KHDC1: variants seen among roughly 807,000 people sequenced by gnomAD.
KHDC1 encodes the protein KH homology domain-containing protein 1.
A neutral mutation model predicts 24.7 loss-of-function variants in KHDC1; 21 were observed. That is an observed-to-expected ratio of 0.85 (90% confidence interval 0.60 to 1.23). The LOEUF (loss-of-function observed/expected upper bound fraction) is 1.23, where lower values mean the gene tolerates loss of function less well. Ranked by LOEUF, KHDC1 falls within the 50% of genes most tolerant of loss-of-function variation. The probability of loss-of-function intolerance (pLI) is 0.00; values close to 1 mark genes in which losing one functional copy is unlikely to be tolerated. For synonymous variants in KHDC1, 98 were observed against 111.7 expected (o/e 0.88, Z 0.77); for missense variants, 274 against 298.5 (o/e 0.92, Z 0.61).
chr6:73,286,178 A>G (rs1257407548), intron 2 of KHDC1, among the ~76,000 whole-genome samples: 1 of 152,188 alleles, frequency 6.6e-6, no homozygotes, highest in Non-Finnish European at 1.5e-5. Flanking sequence ...TCAGGGAATA[A>G]GAGCTACTTT....
intron 1 of KHDC1, among the ~76,000 whole-genome samples, chr6:73,296,097 G>T (rs954289911): frequency 1.5e-5 from 2 of 135,080 alleles, no homozygotes; most frequent in Non-Finnish European, 3.2e-5. Flanking sequence ...AGCCGAGATC[G>T]TGCCACTGCA....
At chr6:73,280,516 T>A (rs36110922) in intron 2 of KHDC1, among the ~76,000 whole-genome samples, 1 of 86,408 alleles carries the variant, frequency 1.2e-5, no homozygotes, top group Non-Finnish European at 2.2e-5. Flanking sequence ...TTTAATTTCT[T>A]TTTTTTTTTT....
chr6:73,290,939 C>G, intron 2 of KHDC1: 1 of 355,302 alleles, frequency 2.8e-6, no homozygotes, highest in Non-Finnish European at 5.5e-6. Context: ...GTAGTGGATG[C>G]TGGCCCAGGA....
At chr6:73,276,813 C>A (rs886355264) in intron 2 of KHDC1, among the ~76,000 whole-genome samples, 2 of 152,190 alleles carry the variant, frequency 1.3e-5, no homozygotes, top group Admixed American at 1.3e-4. Flanking sequence ...ACTCTATATT[C>A]ACTTTTAGAC....
At chr6:73,289,823 G>A (rs1275894147) in intron 2 of KHDC1, among the ~76,000 whole-genome samples, 2 of 152,000 alleles carry the variant, frequency 1.3e-5, no homozygotes. Flanking sequence ...CCAGGCGGCC[G>A]GGCGCGGTGG....
intron 2 of KHDC1, among the ~76,000 whole-genome samples, chr6:73,262,457 C>T (rs1766996698): frequency 6.6e-6 from 1 of 152,204 alleles, no homozygotes; most frequent in South Asian, 2.1e-4. Context: ...GGCAACACCT[C>T]ATGCGATTAC....
intron 2 of KHDC1, among the ~76,000 whole-genome samples, chr6:73,243,761 T>A (rs1188767767): frequency 6.6e-6 from 1 of 152,228 alleles, no homozygotes; most frequent in Non-Finnish European, 1.5e-5. Context: ...CAGTAATGTT[T>A]TAGCGAGGTG....
At position 73,244,271 on chromosome 6, in the gene KHDC1, G is replaced by A. The variant is rs540348658; in HGVS notation, c.207-1741C>T. ...TCGCACAAACTGAAAGGGGTATGGG[G>A]TGTATAAGTGTCATTTACCACAGTG... On this transcript the variant is annotated intron_variant, in intron 2 of 4. Transcript: ENST00000370384. 4.6e-5 allele frequency among the ~76,000 whole-genome samples: 7 copies of A among 152,296 alleles called. No homozygotes were observed. In the South Asian group the frequency reaches 1.2e-3, roughly 27 times the overall value.
Position 73,272,317 on chromosome 6 carries a change from A to G in KHDC1, c.206+19681T>C, listed in dbSNP as rs551292342. Among the ~76,000 whole-genome samples the G allele has an allele frequency of 7.4e-4, 112 of 151,670 alleles. 2 individuals carry two copies. In the South Asian group the frequency reaches 0.023, roughly 31 times the overall value. ...GCTGGGACTACAGGCACCTGCCACC[A>G]CGTCGGGGTTTCACCATGTTGTCTA... On this transcript the variant is annotated intron_variant, in intron 2 of 4. Coordinates refer to ENST00000370384, the Ensembl canonical transcript of KHDC1.
rs116974411 is a variant in KHDC1 at position 73,245,791 on chromosome 6, T to C, written c.207-3261A>G. On this transcript the variant is annotated intron_variant, in intron 2 of 4. Coordinates refer to ENST00000370384, the Ensembl canonical transcript of KHDC1. ...CACCACCCAATCACTGAAGAATACG[T>C]TGGAATTCCTTAAGTCCAGAATAAC... Among the ~76,000 whole-genome samples the C allele has an allele frequency of 7.0e-3, 1,072 of 152,294 alleles. 12 individuals are homozygous for C. The highest frequency in any genetic ancestry group is 0.012 in the Non-Finnish European group (804 of 68,024).
chr6:73,283,952 G>A lies in KHDC1; in HGVS notation c.206+8046C>T, dbSNP rs551694545. ...TCTCCAGCACATTGAAACCACCTTT[G>A]CAAAGATTATGACACCGAGAGAAGT... On this transcript the variant is annotated intron_variant, in intron 2 of 4. Transcript: ENST00000370384. Among the ~76,000 whole-genome samples the A allele has an allele frequency of 7.0e-4, 106 of 151,908 alleles. 2 individuals are homozygous for A. The South Asian group carries it at 0.022, about 31-fold the overall frequency.
intron 2 of KHDC1, chr6:73,275,967 T>G (rs1377551318): frequency 6.6e-6 from 1 of 152,082 alleles, no homozygotes; most frequent in African/African-American, 2.4e-5. Context: ...CCAAGGCGGG[T>G]GGATCATGAG....
intron 2 of KHDC1, among the ~76,000 whole-genome samples, chr6:73,250,674 A>T (rs974999834): frequency 2.0e-5 from 3 of 152,064 alleles, no homozygotes; most frequent in African/African-American, 7.2e-5. Flanking sequence ...TTTACATACT[A>T]CTCTCATTTT....
intron 1 of KHDC1, among the ~76,000 whole-genome samples, chr6:73,307,673 G>C (rs937927580): frequency 1.3e-5 from 2 of 152,034 alleles, no homozygotes; most frequent in Non-Finnish European, 2.9e-5. Flanking sequence ...AGCCTTAAAC[G>C]GAGTGCCCAG....
Position 73,262,772 on chromosome 6 carries a change from A to T in KHDC1, c.207-20242T>A, listed in dbSNP as rs1330436035. The T allele has an allele frequency of 1.0e-6, 1 of 985,378 alleles. No homozygotes were observed. Among genetic ancestry groups the T allele is most frequent in the African/African-American group, 1.7e-5 (1 of 57,242 alleles). 61.0% of individuals were successfully genotyped at this position (985,378 alleles called of 1,614,324 possible). ...ATGTGCAAGATCTAGATGAAGACCC[A>T]CCAGATAGGATGCTCTCTTGCAGAC... On this transcript the variant is annotated intron_variant, in intron 2 of 4. Transcript: ENST00000370384.
At chr6:73,256,357 A>G (rs914145436) in intron 2 of KHDC1, among the ~76,000 whole-genome samples, 1 of 152,190 alleles carries the variant, frequency 6.6e-6, no homozygotes, top group Non-Finnish European at 1.5e-5. Context: ...TATAGAAAAT[A>G]TTATTCTCCC....
chr6:73,261,264 G>A (rs1766974516), intron 2 of KHDC1, among the ~76,000 whole-genome samples: 1 of 151,934 alleles, frequency 6.6e-6, no homozygotes, highest in African/African-American at 2.4e-5. Flanking sequence ...CCAACATGGT[G>A]AAACCCCGTC....
chr6:73,258,701 A>G (rs1311774912), intron 2 of KHDC1, among the ~76,000 whole-genome samples: 2 of 152,218 alleles, frequency 1.3e-5, no homozygotes, highest in Non-Finnish European at 2.9e-5. Flanking sequence ...CCTAGATTCA[A>G]AAAGCACTTC....
chr6:73,258,314 G>A (rs1188663101), intron 2 of KHDC1, among the ~76,000 whole-genome samples: 2 of 152,014 alleles, frequency 1.3e-5, no homozygotes, highest in Non-Finnish European at 2.9e-5. Context: ...GTGGTGGCAC[G>A]CACCTATAGT....
Sources: gnomAD v4.1 joint callset for allele counts (sites outside exome capture counted in the v4.1 genomes callset) on GRCh38, gnomAD v4.1.1 for gene constraint, MANE v1.5 for transcripts, NCBI Gene and HGNC (gene_info 2026-07-23, HGNC 2026-07-21) for gene names.